The following SH3KBP1 variants were observed in gnomAD, a reference collection of about 807,000 sequenced individuals.
The protein encoded by SH3KBP1 is SH3 domain containing kinase binding protein 1, also known as SH3 domain-containing kinase-binding protein 1.
SH3KBP1 carries 8 observed loss-of-function variants against 50.1 expected under a neutral mutation model. The ratio of observed to expected loss-of-function variants is 0.16; its 90% CI spans 0.09 to 0.29. SH3KBP1 has a LOEUF of 0.29. SH3KBP1 is among the 10% of genes least tolerant of loss of function. SH3KBP1 has a pLI of 1.00. For missense variants in SH3KBP1, 377 were observed against 535.2 expected (o/e 0.70, Z 2.92); for synonymous variants, 227 against 218.6 (o/e 1.04, Z -0.34).
At chrX:19,718,318 A>T (rs1354000548) in intron 3 of SH3KBP1, among the ~76,000 whole-genome samples, 2 of 111,796 alleles carry the variant, frequency 1.8e-5, no homozygotes, top group Non-Finnish European at 3.8e-5. Context: ...GGTCTAATAC[A>T]ATTAAATGAA....
intron 3 of SH3KBP1, among the ~76,000 whole-genome samples, chrX:19,741,122 C>T (rs1043537003): frequency 8.9e-6 from 1 of 112,636 alleles, no homozygotes; most frequent in Non-Finnish European, 1.9e-5. Context: ...AGAGGAAGAG[C>T]AGCCGTTGAT....
chrX:19,825,815 A>C (rs1251026463), intron 2 of SH3KBP1, among the ~76,000 whole-genome samples: 1 of 111,874 alleles, frequency 8.9e-6, no homozygotes, highest in Non-Finnish European at 1.9e-5. Context: ...TGGAGGTTGC[A>C]ATGAGCCCAG....
At chrX:19,539,519 T>C (rs1016859994) in intron 16 of SH3KBP1, among the ~76,000 whole-genome samples, 1 of 112,391 alleles carries the variant, frequency 8.9e-6, no homozygotes, top group Non-Finnish European at 1.9e-5. Context: ...CCCAGGAGAC[T>C]GGCAGGCAAA....
chrX:19,602,129 T>C (rs2067110212), intron 9 of SH3KBP1, among the ~76,000 whole-genome samples: 1 of 110,611 alleles, frequency 9.0e-6, no homozygotes, highest in Non-Finnish European at 1.9e-5. Flanking sequence ...CATGATCAGA[T>C]GGAAGGATCT....
At chrX:19,869,026 G>A (rs955954434) in intron 1 of SH3KBP1, among the ~76,000 whole-genome samples, 6 of 110,647 alleles carry the variant, frequency 5.4e-5, no homozygotes, top group Non-Finnish European at 1.1e-4. Flanking sequence ...TGGAAGAGCC[G>A]GAAAAGGAAA....
At chrX:19,798,657 G>A (rs766014560) in intron 2 of SH3KBP1, among the ~76,000 whole-genome samples, 7 of 111,734 alleles carry the variant, frequency 6.3e-5, no homozygotes, top group South Asian at 3.7e-4. Context: ...GGCAACCTGG[G>A]GCTACATACT....
chrX:19,587,600 A>G (rs1197797699), intron 12 of SH3KBP1, among the ~76,000 whole-genome samples: 1 of 112,262 alleles, frequency 8.9e-6, no homozygotes, highest in Non-Finnish European at 1.9e-5. Flanking sequence ...CAATGAAAAT[A>G]ATGTTGATTT....
intron 3 of SH3KBP1, among the ~76,000 whole-genome samples, chrX:19,722,143 C>G (rs1219190559): frequency 8.9e-6 from 1 of 112,159 alleles, no homozygotes; most frequent in African/African-American, 3.2e-5. Flanking sequence ...ACAAAAGAGC[C>G]ACTTTGGGCA....
At chrX:19,613,063 G>A (rs1283263061) in intron 8 of SH3KBP1, among the ~76,000 whole-genome samples, 3 of 112,232 alleles carry the variant, frequency 2.7e-5, no homozygotes, top group Non-Finnish European at 3.8e-5. Flanking sequence ...GAGTGACAGG[G>A]GCAGAAAGGA....
chrX:19,565,926 C>CTT (rs377522104), intron 13 of SH3KBP1, among the ~76,000 whole-genome samples: 259 of 97,870 alleles, frequency 2.6e-3, no homozygotes, highest in African/African-American at 8.1e-3. Flanking sequence ...TTTTGGAGAC[C>CTT]TTTTTTTTTT....
rs2063114854 is a variant in SH3KBP1, at chrX:19,683,948, C to T, written c.601G>A (p.Ala201Thr). ...TTCTTGGGCTGGATTGCTGCAGTTG[C>T]CACTGTCCCGTTGGCACCTTCAGAC... is the stretch of plus-strand genomic sequence containing the variant. ...TKSEGANGTVATAAIQPKKVK... is the reference protein window; with the variant it reads ...TKSEGANGTVTTAAIQPKKVK... The change falls in exon 6 of 18, where the codon GCA becomes ACA. Residue 201 changes from alanine (A) to threonine (T), a missense_variant. By Grantham distance (58) the Ala-to-Thr change is moderately conservative. Around this residue, in one of 3 missense-constraint regions of SH3KBP1, gnomAD observed 257 missense variants for 374.2 expected, o/e 0.69. Coordinates refer to ENST00000397821, the MANE Select transcript of SH3KBP1 (RefSeq NM_031892.3). 1 of 1,211,086 alleles carries T rather than the reference C, an allele frequency of 8.3e-7. No individual in the cohort carries two copies. The highest frequency in any genetic ancestry group is 1.1e-6 in the Non-Finnish European group (1 of 894,939).
chrX:19,679,547 AT>A (rs2062999561), intron 6 of SH3KBP1, among the ~76,000 whole-genome samples: 1 of 111,973 alleles, frequency 8.9e-6, no homozygotes, highest in Admixed American at 9.5e-5. Flanking sequence ...ATTTTCCATT[AT>A]TTTGATACAG....
At chrX:19,640,785 G>A (rs764547227) in intron 7 of SH3KBP1, among the ~76,000 whole-genome samples, 1 of 111,850 alleles carries the variant, frequency 8.9e-6, no homozygotes, top group Non-Finnish European at 1.9e-5. Context: ...ATGGAAAATT[G>A]AAAGTATCTC....
intron 6 of SH3KBP1, among the ~76,000 whole-genome samples, chrX:19,679,045 G>A (rs971036679): frequency 9.0e-5 from 10 of 110,640 alleles, no homozygotes; most frequent in African/African-American, 2.0e-4. Context: ...ATAACTCTAC[G>A]CCTACTGGAC....
At chrX:19,552,574 C>T (rs2065274084) in intron 13 of SH3KBP1, among the ~76,000 whole-genome samples, 1 of 110,783 alleles carries the variant, frequency 9.0e-6, no homozygotes, top group Non-Finnish European at 1.9e-5. Context: ...CTGGACAAAC[C>T]TATATTATGG....
intron 2 of SH3KBP1, among the ~76,000 whole-genome samples, chrX:19,751,742 T>C (rs2065072080): frequency 8.9e-6 from 1 of 111,917 alleles, no homozygotes; most frequent in Non-Finnish European, 1.9e-5. Flanking sequence ...AAAAGCACTG[T>C]ACCAAACAGA....
At position 19,743,463 on chromosome X, in the gene SH3KBP1, A is replaced by G. The variant is rs184044878; in HGVS notation, c.286+2855T>C. Among the ~76,000 whole-genome samples the G allele has an allele frequency of 1.2e-3, 138 of 111,003 alleles. 1 individual carries two copies. In the East Asian group the frequency reaches 0.02, roughly 16 times the overall value. Reference sequence around the variant, plus strand: ...AAAAAGAAAGAAAGAAAGAAAGAAAAAAAAAGCCCATGGAGTCATTCCAGT... The same window carrying G: ...AAAAAGAAAGAAAGAAAGAAAGAAAGAAAAAGCCCATGGAGTCATTCCAGT... On this transcript the variant is annotated intron_variant, in intron 3 of 17. Transcript: ENST00000397821.
chrX:19,812,589 G>C (rs1304433289), intron 2 of SH3KBP1, among the ~76,000 whole-genome samples: 1 of 107,804 alleles, frequency 9.3e-6, no homozygotes, highest in Non-Finnish European at 1.9e-5. Flanking sequence ...AGCACATTGG[G>C]AGGCTGAGGC....
At chrX:19,651,775 A>C (rs991474067) in intron 6 of SH3KBP1, among the ~76,000 whole-genome samples, 1 of 111,746 alleles carries the variant, frequency 8.9e-6, no homozygotes, top group African/African-American at 3.3e-5. Flanking sequence ...TGAGAGGATC[A>C]CTTGAGCCAG....
Sources: allele counts gnomAD v4.1 joint callset (sites outside exome capture counted in the v4.1 genomes callset), GRCh38; gene constraint gnomAD v4.1.1; regional missense constraint gnomAD v4.1.1; transcripts MANE v1.5; gene names NCBI Gene and HGNC (gene_info 2026-07-23, HGNC 2026-07-21).